SNTB1: variants seen among roughly 807,000 people sequenced by gnomAD.
SNTB1 encodes beta-1-syntrophin.
In SNTB1, 36 loss-of-function variants were observed where a neutral mutation model predicts 48.9. That is an observed-to-expected ratio of 0.74 (90% confidence interval 0.56 to 0.97). The LOEUF is 0.97. Ranked by LOEUF, SNTB1 falls within the 50% of genes least tolerant of loss-of-function variation. The pLI is 0.00. For synonymous variants in SNTB1, 299 were observed against 294.6 expected (o/e 1.01, Z -0.15); for missense variants, 786 against 703.4 (o/e 1.12, Z -1.33).
intron 2 of SNTB1, among the ~76,000 whole-genome samples, chr8:120,636,231 C>T (rs1817074006): frequency 6.6e-6 from 1 of 151,816 alleles, no homozygotes. Flanking sequence ...CTTTCTTCTT[C>T]TTCTTTTTTT....
At chr8:120,571,744 C>T (rs1204293906) in intron 4 of SNTB1, among the ~76,000 whole-genome samples, 1 of 151,984 alleles carries the variant, frequency 6.6e-6, no homozygotes, top group African/African-American at 2.4e-5. Flanking sequence ...GGTGATCTGC[C>T]CTCCTCGGCC....
At chr8:120,763,182 T>A (rs1331787787) in intron 1 of SNTB1, among the ~76,000 whole-genome samples, 3 of 152,246 alleles carry the variant, frequency 2.0e-5, no homozygotes, top group Non-Finnish European at 4.4e-5. Context: ...TATATCGCAT[T>A]ACTATATGTG....
At chr8:120,678,249 C>T (rs1468673847) in intron 2 of SNTB1, among the ~76,000 whole-genome samples, 2 of 152,042 alleles carry the variant, frequency 1.3e-5, no homozygotes, top group African/African-American at 4.8e-5. Flanking sequence ...TCCTTATATC[C>T]CGTCTGTCTC....
intron 1 of SNTB1, among the ~76,000 whole-genome samples, chr8:120,707,546 C>G (rs1416235590): frequency 6.6e-6 from 1 of 152,086 alleles, no homozygotes; most frequent in African/African-American, 2.4e-5. Context: ...GCATACCAGT[C>G]AAGATAGTTG....
chr8:120,801,879 A>G (rs891583430), intron 1 of SNTB1, among the ~76,000 whole-genome samples: 2 of 152,114 alleles, frequency 1.3e-5, no homozygotes, highest in African/African-American at 4.8e-5. Context: ...CAGGGAAGAC[A>G]TTTGTCCTTC....
At chr8:120,775,214 G>A (rs1239886412) in intron 1 of SNTB1, 1 of 152,070 alleles carries the variant, frequency 6.6e-6, no homozygotes, top group Non-Finnish European at 1.5e-5. Context: ...CTTTGTATGG[G>A]TTTTTTCCCT....
At chr8:120,566,932 AC>A (rs1314316858) in intron 4 of SNTB1, among the ~76,000 whole-genome samples, 2 of 152,176 alleles carry the variant, frequency 1.3e-5, no homozygotes, top group Non-Finnish European at 2.9e-5. Flanking sequence ...AGGAAAGAAA[AC>A]TTTTATATAT....
chr8:120,723,029 C>T (rs1818692428), intron 1 of SNTB1, among the ~76,000 whole-genome samples: 1 of 152,130 alleles, frequency 6.6e-6, no homozygotes, highest in African/African-American at 2.4e-5. Context: ...ATACTTTCCT[C>T]ATTTCTTGTT....
intron 1 of SNTB1, among the ~76,000 whole-genome samples, chr8:120,760,305 A>T (rs1429058075): frequency 6.6e-6 from 1 of 152,012 alleles, no homozygotes; most frequent in African/African-American, 2.4e-5. Flanking sequence ...GCCAAAAAAA[A>T]AAAAAAAACC....
Position 120,811,281 on chromosome 8 carries a change from A to G in SNTB1, c.563T>C (p.Leu188Pro). 1.3e-6 allele frequency: 2 copies of G among 1,599,406 alleles called. No individual in the cohort carries two copies. Among genetic ancestry groups the G allele is most frequent in the South Asian group, 2.2e-5 (2 of 90,394 alleles). Reference sequence around the variant, plus strand: ...CGCTGTTAACCCCTTACCTTCCAGCAGCACTTCCTTGCCCGCGCGCTTCAA... The same window carrying G: ...CGCTGTTAACCCCTTACCTTCCAGCGGCACTTCCTTGCCCGCGCGCTTCAA... Reference protein sequence around the residue: ...QALKRAGKEVLLEVKYMREAT... With the variant: ...QALKRAGKEVPLEVKYMREAT... The change falls in exon 1 of 7, where the codon CTG becomes CCG. Residue 188 changes from leucine to proline, a missense_variant. By Grantham distance (98) the Leu-to-Pro change is moderately conservative (BLOSUM62 -3). Transcript: ENST00000517992.
intron 6 of SNTB1, 105 bp downstream of exon 6, chr8:120,541,705 G>A: frequency 2.8e-6 from 2 of 706,272 alleles, no homozygotes; most frequent in Non-Finnish European, 4.3e-6. Flanking sequence ...GGGCTTGCAA[G>A]CACATCATTA....
chr8:120,551,274 AAAT>A (rs1174099333), intron 4 of SNTB1, among the ~76,000 whole-genome samples: 10 of 150,096 alleles, frequency 6.7e-5, no homozygotes, highest in Non-Finnish European at 1.5e-4. Context: ...AAAAAAAAAG[AAAT>A]TAAATAGGTC....
intron 1 of SNTB1, among the ~76,000 whole-genome samples, chr8:120,714,070 G>A (rs752939066): frequency 7.2e-5 from 11 of 152,266 alleles, no homozygotes; most frequent in Non-Finnish European, 1.5e-4. Flanking sequence ...TTCTTTGTAT[G>A]TTTAAGGTCA....
At chr8:120,560,794 G>A (rs1815640293) in intron 4 of SNTB1, among the ~76,000 whole-genome samples, 1 of 152,172 alleles carries the variant, frequency 6.6e-6, no homozygotes, top group Non-Finnish European at 1.5e-5. Flanking sequence ...CCAGGTGAAA[G>A]GTTGTGTGGA....
At position 120,642,250 on chromosome 8, in the gene SNTB1, A is replaced by G. The variant is rs138572391; in HGVS notation, c.789-9599T>C. ...TTTTCAGAGAAAGAATACAAAAGAC[A>G]TAGAGCAGAGAGGCCTGTTGCTTTT... is the stretch of plus-strand genomic sequence containing the variant. On this transcript the variant is annotated intron_variant, in intron 2 of 6. Transcript: ENST00000517992. Among the ~76,000 whole-genome samples the G allele has an allele frequency of 3.1e-4, 47 of 152,358 alleles. 1 individual carries two copies. Among genetic ancestry groups the G allele is most frequent in the African/African-American group, 9.9e-4 (41 of 41,572 alleles).
At chr8:120,684,887 C>T (rs1818001763) in intron 2 of SNTB1, among the ~76,000 whole-genome samples, 1 of 152,146 alleles carries the variant, frequency 6.6e-6, no homozygotes, top group South Asian at 2.1e-4. Flanking sequence ...AACTCCTGAC[C>T]TCAGTTACTC....
intron 1 of SNTB1, among the ~76,000 whole-genome samples, chr8:120,730,034 C>A (rs1818825785): frequency 6.6e-6 from 1 of 152,214 alleles, no homozygotes; most frequent in Non-Finnish European, 1.5e-5. Flanking sequence ...TGCCAACAAC[C>A]CGTTAGTGAT....
intron 1 of SNTB1, among the ~76,000 whole-genome samples, chr8:120,805,187 C>T (rs1820311966): frequency 6.6e-6 from 1 of 151,974 alleles, no homozygotes; most frequent in Non-Finnish European, 1.5e-5. Context: ...CTTACCATTA[C>T]AACTTCAGCA....
At chr8:120,685,845 A>G (rs1818021795) in intron 2 of SNTB1, among the ~76,000 whole-genome samples, 1 of 152,010 alleles carries the variant, frequency 6.6e-6, no homozygotes, top group South Asian at 2.1e-4. Flanking sequence ...CACCCTCAAC[A>G]CTTTGCTTAG....
Sources: allele counts gnomAD v4.1 joint callset (sites outside exome capture counted in the v4.1 genomes callset), GRCh38; gene constraint gnomAD v4.1.1; transcripts MANE v1.5; gene names NCBI Gene and HGNC (gene_info 2026-07-23, HGNC 2026-07-21).